Variants in JPH3 observed in about 807,000 individuals in gnomAD.
The protein encoded by JPH3 is junctophilin-3.
JPH3 carries 11 observed loss-of-function variants against 59.6 expected under a neutral mutation model. The ratio of observed to expected loss-of-function variants is 0.18; its 90% CI spans 0.12 to 0.31. JPH3 has a LOEUF of 0.31. Among genes scored for constraint, JPH3 ranks in the 10% least tolerant of loss-of-function variants. JPH3 has a pLI of 1.00. For synonymous variants in JPH3, 673 were observed against 483.6 expected (o/e 1.39, Z -5.14); for missense variants, 1,202 against 1,105.7 (o/e 1.09, Z -1.24).
Position 87,603,117 on chromosome 16 carries a change from G to C in JPH3, c.-30G>C. ...TCGATCGCCTGAGTCCGTTTTCACC[G>C]TTTGCGGGATCTGGAACCGAGTTAC... is the stretch of plus-strand genomic sequence containing the variant. On this transcript the variant is annotated 5_prime_UTR_variant, in exon 1 of 5. Coordinates refer to ENST00000284262, the MANE Select transcript of JPH3 (RefSeq NM_020655.4). 1 of 1,613,678 alleles carries C rather than the reference G, an allele frequency of 6.2e-7. No homozygotes were observed. The highest frequency in any genetic ancestry group is 1.1e-5 in the South Asian group (1 of 91,058).
intron 2 of JPH3, among the ~76,000 whole-genome samples, chr16:87,679,763 C>T (rs974320723): frequency 2.0e-5 from 3 of 152,236 alleles, no homozygotes; most frequent in Non-Finnish European, 2.9e-5. Flanking sequence ...CTGGGAGGCC[C>T]GGCCGTGTCC....
intron 1 of JPH3, among the ~76,000 whole-genome samples, chr16:87,620,518 G>A (rs561373058): frequency 7.9e-4 from 114 of 143,824 alleles, no homozygotes; most frequent in African/African-American, 2.8e-3. Flanking sequence ...AGAAAAGGGA[G>A]AGGGGTGGGC....
chr16:87,602,565 C>G lies in JPH3; in HGVS notation c.-582C>G, dbSNP rs1468085884. 7.1e-6 allele frequency among the ~76,000 whole-genome samples: 1 copy of G among 139,884 alleles called. No individual in the cohort carries two copies. The highest frequency in any genetic ancestry group is 2.1e-4 in the East Asian group (1 of 4,658). The allele number at this position is 139,884 out of a possible 152,430, so 91.8% of individuals were successfully genotyped here. The stretch of plus-strand genomic sequence containing the variant: ...CCGCCGCCACCGCCGCCGCCGCCGC[C>G]CGAGCCGCCGCATTGCTGCTGCTGC... On this transcript the variant is annotated 5_prime_UTR_variant, in exon 1 of 5. Transcript: ENST00000284262.
At chr16:87,605,054 C>T in intron 1 of JPH3, 1 of 416,810 alleles carries the variant, frequency 2.4e-6, no homozygotes, top group South Asian at 1.7e-5. Context: ...GACAGGCAGG[C>T]AGCCTGGCGC....
chr16:87,684,053 G>T (rs575915799), intron 2 of JPH3, 89 bp from the exon 3 acceptor site: 5 of 929,186 alleles, frequency 5.4e-6, no homozygotes, highest in Admixed American at 2.1e-5. Flanking sequence ...AGCCCAGCCC[G>T]TTGTTGGGGG....
chr16:87,696,696 G>C lies in JPH3; in HGVS notation c.*36G>C. The C allele has an allele frequency of 6.5e-7, 1 of 1,526,762 alleles. No homozygotes were observed. The highest frequency in any genetic ancestry group is 9.1e-7 in the Non-Finnish European group (1 of 1,104,062). The allele number at this position is 1,526,762 out of a possible 1,614,324, so 94.6% of individuals were successfully genotyped here. ...CGGTAGCAAAAATAGAGAAAGGGTA[G>C]AAAAAAGGGACATTAAAATTAAAAG... On this transcript the variant is annotated 3_prime_UTR_variant, in exon 5 of 5. Coordinates refer to ENST00000284262, the MANE Select transcript of JPH3 (RefSeq NM_020655.4).
chr16:87,661,488 C>T (rs2032701187), intron 2 of JPH3, among the ~76,000 whole-genome samples: 1 of 152,252 alleles, frequency 6.6e-6, no homozygotes. Context: ...CCGCTCTGAG[C>T]ATGGGCTGGA....
chr16:87,658,228 T>A (rs1021539568), intron 2 of JPH3, among the ~76,000 whole-genome samples: 1 of 152,138 alleles, frequency 6.6e-6, no homozygotes, highest in Non-Finnish European at 1.5e-5. Context: ...GTCGCAGGGC[T>A]ACCAAACAGT....
At chr16:87,679,805 G>T (rs1203268655) in intron 2 of JPH3, among the ~76,000 whole-genome samples, 1 of 152,234 alleles carries the variant, frequency 6.6e-6, no homozygotes, top group Non-Finnish European at 1.5e-5. Flanking sequence ...GCACTGGCCA[G>T]GGGCCCCCTC....
At chr16:87,640,347 G>A (rs1431565249) in intron 1 of JPH3, among the ~76,000 whole-genome samples, 2 of 150,970 alleles carry the variant, frequency 1.3e-5, no homozygotes, top group Non-Finnish European at 1.5e-5. Context: ...AGGGTTGTCC[G>A]GTTACCTGTG....
chr16:87,685,746 G>C (rs746272121), intron 3 of JPH3, among the ~76,000 whole-genome samples: 1 of 152,232 alleles, frequency 6.6e-6, no homozygotes, highest in Non-Finnish European at 1.5e-5. Context: ...CCCTGCCTGC[G>C]ACTCACATTC....
chr16:87,683,027 G>C (rs890269827), intron 2 of JPH3, among the ~76,000 whole-genome samples: 3 of 152,270 alleles, frequency 2.0e-5, no homozygotes, highest in African/African-American at 7.2e-5. Flanking sequence ...GACGTGCCCG[G>C]CTGCCCACAG....
At chr16:87,630,823 A>AT (rs2031543290) in intron 1 of JPH3, among the ~76,000 whole-genome samples, 1 of 151,940 alleles carries the variant, frequency 6.6e-6, no homozygotes. Flanking sequence ...GTAGATGGAG[A>AT]TTTTCAATCC....
chr16:87,615,935 C>T (rs2030940478), intron 1 of JPH3, among the ~76,000 whole-genome samples: 2 of 152,144 alleles, frequency 1.3e-5, no homozygotes, highest in African/African-American at 4.8e-5. Flanking sequence ...ATCAGGCGAG[C>T]TCTGAGCGAC....
intron 1 of JPH3, among the ~76,000 whole-genome samples, chr16:87,636,496 C>T (rs756607966): frequency 4.6e-5 from 7 of 152,188 alleles, no homozygotes; most frequent in African/African-American, 7.2e-5. Flanking sequence ...GCAACTGCGG[C>T]GAGCGTGGAG....
intron 2 of JPH3, among the ~76,000 whole-genome samples, chr16:87,656,334 G>T (rs1791004482): frequency 6.6e-6 from 1 of 152,234 alleles, no homozygotes; most frequent in Non-Finnish European, 1.5e-5. Flanking sequence ...CCTGAGACGG[G>T]GGGTGGGTTA....
intron 2 of JPH3, among the ~76,000 whole-genome samples, chr16:87,675,032 G>C (rs1325300330): frequency 6.6e-6 from 1 of 152,122 alleles, no homozygotes. Context: ...AAAGTGCTGG[G>C]ATTACACGTG....
chr16:87,680,376 G>C lies in JPH3; in HGVS notation c.1161-3766G>C, dbSNP rs878922456. Among the ~76,000 whole-genome samples, 10 of 70,074 alleles carry C rather than the reference G, an allele frequency of 1.4e-4. 1 individual carries two copies. The South Asian group carries it at 1.9e-3, about 13-fold the overall frequency. 46.0% of individuals were successfully genotyped at this position (70,074 alleles called of 152,430 possible). On this transcript the variant is annotated intron_variant, in intron 2 of 4. Coordinates refer to ENST00000284262, the MANE Select transcript of JPH3 (RefSeq NM_020655.4). ...GCTGCGCCCGGAAGGAAGCGGTGTGGACCCAGAAGGAAGCGGAGCCCTGGT... is the reference window on the plus strand; with the variant it reads ...GCTGCGCCCGGAAGGAAGCGGTGTGCACCCAGAAGGAAGCGGAGCCCTGGT...
intron 1 of JPH3, chr16:87,604,866 C>T (rs117906689): frequency 0.012 from 4,871 of 397,976 alleles, 191 homozygotes; most frequent in Admixed American, 0.08. Context: ...TCTCAGGCGG[C>T]CTTTTCTGTG....
Sources: allele counts gnomAD v4.1 joint callset (sites outside exome capture counted in the v4.1 genomes callset), GRCh38; gene constraint gnomAD v4.1.1; transcripts MANE v1.5; gene names NCBI Gene and HGNC (gene_info 2026-07-23, HGNC 2026-07-21).